Variants in CHMP1A observed in about 807,000 individuals in gnomAD.
The protein encoded by CHMP1A is charged multivesicular body protein 1A.
CHMP1A carries 17 observed loss-of-function variants against 27.0 expected under a neutral mutation model. That is an observed-to-expected ratio of 0.63 (90% CI 0.43 to 0.95). CHMP1A has a LOEUF of 0.95. Ranked by LOEUF, CHMP1A falls within the 40% of genes least tolerant of loss-of-function variation. The pLI is 0.00. For synonymous variants in CHMP1A, 131 were observed against 107.5 expected (o/e 1.22, Z -1.35); for missense variants, 275 against 264.0 (o/e 1.04, Z -0.29).
chr16:89,656,227 C>T (rs1376433918), intron 1 of CHMP1A, among the ~76,000 whole-genome samples: 2 of 152,202 alleles, frequency 1.3e-5, no homozygotes, highest in African/African-American at 4.8e-5. Flanking sequence ...AGCTCCGCCT[C>T]CCGGGTTCAC....
Position 89,649,502 on chromosome 16 carries a change from A to C in CHMP1A, c.106-5T>G, listed in dbSNP as rs750870969. 7.4e-6 allele frequency: 12 copies of C among 1,613,612 alleles called. No individual in the cohort carries two copies. Among genetic ancestry groups the C allele is most frequent in the South Asian group, 2.2e-5 (2 of 91,076 alleles). ...TACATTTTTCTGCAGAAGGGCCTGA[A>C]ACCCGCGGGGGAAAGCAGCTGGAAG... On this transcript the variant is annotated splice_polypyrimidine_tract_variant and splice_region_variant and intron_variant, in intron 3 of 6. Transcript: ENST00000397901.
intron 2 of CHMP1A, among the ~76,000 whole-genome samples, chr16:89,652,347 C>T (rs1172025669): frequency 6.8e-6 from 1 of 147,984 alleles, no homozygotes; most frequent in Non-Finnish European, 1.5e-5. Flanking sequence ...CCCTGGCCAC[C>T]AGCACCTCAA....
At chr16:89,652,973 G>A (rs952358265) in intron 2 of CHMP1A, among the ~76,000 whole-genome samples, 21 of 151,306 alleles carry the variant, frequency 1.4e-4, no homozygotes, top group Non-Finnish European at 2.7e-4. Flanking sequence ...TCCACACAGC[G>A]GAACACCAAG....
Position 89,647,257 on chromosome 16 carries a change from G to C in CHMP1A, c.327C>G (p.Ser109=), listed in dbSNP as rs371977840. ...GCTGCTCGAACCTGTCCATCACTGA[G>C]GAGACCTTCTGCAGGTCCATGGTGC... ...ALSTMDLQKV[S]SVMDRFEQQV... The change falls in exon 5 of 7, where the codon TCC becomes TCG. Residue 109 remains serine, a synonymous_variant. Transcript: ENST00000397901. 6 of 1,610,816 alleles carry C rather than the reference G, an allele frequency of 3.7e-6. No individual in the cohort carries two copies. The highest frequency in any genetic ancestry group is 2.7e-5 in the African/African-American group (2 of 74,906).
In CHMP1A at chr16:89,647,580, C is replaced by T. The variant is rs530999987; in HGVS notation, c.253-249G>A. ...CCGACGTGGAGACCCAGTGCGGGGT[C>T]AGTGGAGAAAAGGCCGCCGACGTGG... On this transcript the variant is annotated intron_variant, in intron 4 of 6. Coordinates refer to ENST00000397901, the MANE Select transcript of CHMP1A (RefSeq NM_002768.5). Among the ~76,000 whole-genome samples the T allele has an allele frequency of 1.5e-3, 217 of 144,540 alleles. 4 individuals are homozygous for T. The highest frequency in any genetic ancestry group is 3.5e-3 in the Middle Eastern group (1 of 284). The allele number at this position is 144,540 out of a possible 152,430, so 94.8% of individuals were successfully genotyped here.
intron 2 of CHMP1A, among the ~76,000 whole-genome samples, chr16:89,652,185 GCCTCTGGCAACACCACAAGGACACAGGA>G (rs1452172058): frequency 6.6e-6 from 1 of 152,168 alleles, no homozygotes; most frequent in African/African-American, 2.4e-5. Flanking sequence ...CGGAAACAGG[GCCTCTGGCAACACCACAAGGACACAGGA>G]CCTCTGGCAA....
At chr16:89,646,975 G>A (rs1057042559) in intron 5 of CHMP1A, 18 of 1,369,188 alleles carry the variant, frequency 1.3e-5, no homozygotes, top group East Asian at 3.0e-5. Context: ...TCTGCCATCC[G>A]AGCCTCCCCA....
At chr16:89,654,692 C>T (rs927586507) in intron 1 of CHMP1A, among the ~76,000 whole-genome samples, 5 of 152,050 alleles carry the variant, frequency 3.3e-5, no homozygotes, top group African/African-American at 1.2e-4. Context: ...CCTGTAATCC[C>T]AGCACTTTGG....
intron 3 of CHMP1A, 119 bp from the exon 4 acceptor site, chr16:89,649,616 C>G: frequency 1.6e-6 from 2 of 1,279,158 alleles, no homozygotes; most frequent in Non-Finnish European, 2.2e-6. Flanking sequence ...TGCTCTGTTG[C>G]CCAGGCTGGA....
chr16:89,655,949 C>T (rs563760503), intron 1 of CHMP1A, among the ~76,000 whole-genome samples: 3 of 152,114 alleles, frequency 2.0e-5, no homozygotes, highest in East Asian at 3.9e-4. Flanking sequence ...GAATTACAGC[C>T]GTGAGCCACC....
At chr16:89,651,047 T>G (rs1394736452) in intron 3 of CHMP1A, among the ~76,000 whole-genome samples, 1 of 152,028 alleles carries the variant, frequency 6.6e-6, no homozygotes, top group Non-Finnish European at 1.5e-5. Context: ...CCTGTTTGTC[T>G]TATGTGGGAA....
chr16:89,656,924 G>A (rs1568006747), intron 1 of CHMP1A, among the ~76,000 whole-genome samples: 3 of 152,078 alleles, frequency 2.0e-5, no homozygotes, highest in Admixed American at 1.3e-4. Context: ...CCAGGCCCTG[G>A]GCAAGGGGTC....
rs755936611 is a variant in CHMP1A, at chr16:89,645,892, A to G, written c.*174T>C. 8 of 1,593,422 alleles carry G rather than the reference A, an allele frequency of 5.0e-6. No homozygotes were observed. Among genetic ancestry groups the G allele is most frequent in the Middle Eastern group, 1.7e-4 (1 of 5,934 alleles). On this transcript the variant is annotated 3_prime_UTR_variant, in exon 7 of 7. Transcript: ENST00000397901. Reference sequence around the variant, plus strand: ...CACCAGGACACAGACCCACCGCCCAACCTAAAAGAACAGGAACAACCCTAA... The same window carrying G: ...CACCAGGACACAGACCCACCGCCCAGCCTAAAAGAACAGGAACAACCCTAA...
intron 4 of CHMP1A, 127 bp downstream of exon 4, chr16:89,649,224 T>G: frequency 1.3e-6 from 1 of 798,222 alleles, no homozygotes; most frequent in Non-Finnish European, 1.7e-6. Context: ...CCAGCTTCCC[T>G]CAACCTCCCC....
intron 1 of CHMP1A, among the ~76,000 whole-genome samples, chr16:89,656,501 G>T (rs2059872154): frequency 6.6e-6 from 1 of 152,224 alleles, no homozygotes; most frequent in Non-Finnish European, 1.5e-5. Context: ...GCAAACATAG[G>T]ACTTCATTTT....
chr16:89,653,345 G>A (rs2059839583), intron 2 of CHMP1A, among the ~76,000 whole-genome samples: 1 of 144,936 alleles, frequency 6.9e-6, no homozygotes, highest in African/African-American at 2.5e-5. Context: ...TCCGGGCCAG[G>A]CACAGTGGCT....
At chr16:89,655,170 G>A (rs536329105) in intron 1 of CHMP1A, among the ~76,000 whole-genome samples, 1 of 152,196 alleles carries the variant, frequency 6.6e-6, no homozygotes, top group African/African-American at 2.4e-5. Context: ...TCTGGGCATC[G>A]TTCAATCTAT....
At chr16:89,649,651 A>C (rs1413291270) in intron 3 of CHMP1A, 154 bp from the exon 4 acceptor site, 5 of 849,154 alleles carry the variant, frequency 5.9e-6, no homozygotes, top group African/African-American at 3.5e-5. Context: ...TCTCGACTCA[A>C]CGCAAGCTCC....
At chr16:89,655,233 T>C (rs2059855077) in intron 1 of CHMP1A, among the ~76,000 whole-genome samples, 1 of 152,174 alleles carries the variant, frequency 6.6e-6, no homozygotes, top group Non-Finnish European at 1.5e-5. Context: ...CATCTATCAG[T>C]TCAGGTGTGG....
Sources: gnomAD v4.1 joint callset for allele counts (sites outside exome capture counted in the v4.1 genomes callset) on GRCh38, gnomAD v4.1.1 for gene constraint, MANE v1.5 for transcripts, NCBI Gene and HGNC (gene_info 2026-07-23, HGNC 2026-07-21) for gene names.